FGD4: variants seen among roughly 807,000 people sequenced by gnomAD.
The protein encoded by FGD4 is FYVE, RhoGEF and PH domain-containing protein 4.
A neutral mutation model predicts 102.0 loss-of-function variants in FGD4; 42 were observed. The ratio of observed to expected loss-of-function variants is 0.41; its 90% CI spans 0.32 to 0.53. The LOEUF is 0.53. Ranked by LOEUF, FGD4 falls within the 20% of genes least tolerant of loss-of-function variation. FGD4 has a pLI of 0.21. For synonymous variants in FGD4, 380 were observed against 375.7 expected, an observed-to-expected ratio of 1.01 and a Z score of -0.13; for missense variants, 902 against 1,078.2, an observed-to-expected ratio of 0.84 and a Z score of 2.29.
At chr12:32,443,056 T>C (rs1020309527) in intron 1 of FGD4, among the ~76,000 whole-genome samples, 2 of 152,244 alleles carry the variant, frequency 1.3e-5, no homozygotes, top group Non-Finnish European at 2.9e-5. Flanking sequence ...GAATTCTTTA[T>C]GCATTTTGGA....
At chr12:32,507,491 T>C (rs1938897609) in intron 1 of FGD4, among the ~76,000 whole-genome samples, 1 of 152,228 alleles carries the variant, frequency 6.6e-6, no homozygotes, top group South Asian at 2.1e-4. Flanking sequence ...GAGGTAGAAA[T>C]AGAGGAAAGC....
chr12:32,403,786 G>A (rs540312293), intron 1 of FGD4, among the ~76,000 whole-genome samples: 79 of 151,946 alleles, frequency 5.2e-4, no homozygotes, highest in African/African-American at 1.8e-3. Context: ...TAGTAGAGAC[G>A]GGGTTTCACC....
intron 4 of FGD4, among the ~76,000 whole-genome samples, chr12:32,586,839 T>G (rs1289348420): frequency 6.6e-6 from 1 of 152,142 alleles, no homozygotes; most frequent in African/African-American, 2.4e-5. Context: ...TAAATTACAT[T>G]TTGCAATACT....
rs1340422670 is a variant in FGD4, at chr12:32,645,287, A to G, written c.*4754A>G. 3 of 152,054 alleles carry G rather than the reference A, an allele frequency of 2.0e-5. No individual in the cohort carries two copies. Among genetic ancestry groups the G allele is most frequent in the Non-Finnish European group, 2.9e-5 (2 of 68,012 alleles). 9.4% of individuals were successfully genotyped at this position (152,054 alleles called of 1,614,324 possible). ...GCAAAACAGTCATGTCTGTCTGTAT[A>G]TAAGACTTTTTTTTTTTTAACCAAA... On this transcript the variant is annotated 3_prime_UTR_variant, in exon 17 of 17. Transcript: ENST00000534526.
chr12:32,408,824 T>C (rs1941069907), intron 1 of FGD4, among the ~76,000 whole-genome samples: 1 of 152,186 alleles, frequency 6.6e-6, no homozygotes, highest in African/African-American at 2.4e-5. Context: ...TAAAGCTCTT[T>C]TCTTGGTTCT....
chr12:32,640,155 G>A (rs1234341982), intron 16 of FGD4, 121 bp from the exon 17 acceptor site: 1 of 1,473,260 alleles, frequency 6.8e-7, no homozygotes, highest in Non-Finnish European at 9.4e-7. Context: ...TGTGCCCATG[G>A]AGAACTCACC....
intron 1 of FGD4, among the ~76,000 whole-genome samples, chr12:32,538,713 G>A (rs543783204): frequency 4.6e-5 from 7 of 152,254 alleles, no homozygotes; most frequent in East Asian, 3.9e-4. Flanking sequence ...AATCTGGAGC[G>A]ATACTGTCTG....
intron 1 of FGD4, among the ~76,000 whole-genome samples, chr12:32,562,562 T>C (rs1944705025): frequency 6.6e-6 from 1 of 152,186 alleles, no homozygotes; most frequent in Non-Finnish European, 1.5e-5. Flanking sequence ...CCCTGCGGCC[T>C]TCCGCAGTGT....
At chr12:32,502,225 A>G (rs1938275973) in intron 1 of FGD4, 3 of 985,390 alleles carry the variant, frequency 3.0e-6, no homozygotes, top group Middle Eastern at 5.2e-4. Flanking sequence ...ATTATCTGCA[A>G]TGGACCGGGT....
At chr12:32,587,209 A>T (rs1947119496) in intron 4 of FGD4, among the ~76,000 whole-genome samples, 1 of 149,556 alleles carries the variant, frequency 6.7e-6, no homozygotes, top group Non-Finnish European at 1.5e-5. Context: ...AAAAAAAAAA[A>T]AAATTCTGGA....
At chr12:32,594,160 C>G (rs372275435) in intron 4 of FGD4, among the ~76,000 whole-genome samples, 1 of 152,138 alleles carries the variant, frequency 6.6e-6, no homozygotes, top group Non-Finnish European at 1.5e-5. Context: ...AGGGATGTGG[C>G]CTTTTGAGTG....
At chr12:32,434,949 CT>C (rs5797477) in intron 1 of FGD4, among the ~76,000 whole-genome samples, 59,522 of 149,356 alleles carry the variant, frequency 0.4, 12,389 homozygotes, top group African/African-American at 0.51. Context: ...TCCTTCTTTT[CT>C]TTTTTTTTTC....
In FGD4 at chr12:32,540,962, C is replaced by T. The variant is rs1018061679; in HGVS notation, c.167-23175C>T. Reference sequence around the variant, plus strand: ...TTTTAAGCAAGGGAGTAATAAAATTCGTTATATCATTGAATGAATAAAATA... The same window carrying T: ...TTTTAAGCAAGGGAGTAATAAAATTTGTTATATCATTGAATGAATAAAATA... On this transcript the variant is annotated intron_variant, in intron 1 of 16. Transcript: ENST00000534526. Among the ~76,000 whole-genome samples, 9 of 152,002 alleles carry T rather than the reference C, an allele frequency of 5.9e-5. No individual in the cohort carries two copies. The East Asian group carries it at 9.6e-4, about 16-fold the overall frequency.
chr12:32,437,233 C>T (rs1363256302), intron 1 of FGD4, among the ~76,000 whole-genome samples: 1 of 151,968 alleles, frequency 6.6e-6, no homozygotes, highest in Non-Finnish European at 1.5e-5. Flanking sequence ...CGGCTGATTA[C>T]AAAACATAGG....
intron 1 of FGD4, 71 bp from the exon 2 acceptor site, chr12:32,564,066 A>G: frequency 7.0e-7 from 1 of 1,421,650 alleles, no homozygotes; most frequent in South Asian, 1.4e-5. Context: ...GGAGAGGGGA[A>G]ATTTAACTTA....
At position 32,399,586 on chromosome 12, in the gene FGD4, A is replaced by AGGAGTCGCCGCAGCC. The variant is rs1435573275; in HGVS notation, c.-207_-193dup. 4.0e-6 allele frequency: 5 copies of AGGAGTCGCCGCAGCC among 1,264,490 alleles called. No homozygotes were observed. The highest frequency in any genetic ancestry group is 5.2e-6 in the Non-Finnish European group (5 of 960,344). The allele number at this position is 1,264,490 out of a possible 1,614,324, so 78.3% of individuals were successfully genotyped here. A position where few individuals can be genotyped will look rare whatever the true frequency, so the allele number is the denominator to read the frequency against. On this transcript the variant is annotated 5_prime_UTR_variant, in exon 1 of 17. Coordinates refer to ENST00000534526, the MANE Select transcript of FGD4 (RefSeq NM_001370298.3). ...GATACCGAGACGCTGCGACTGCCGC[A>AGGAGTCGCCGCAGCC]GGAGTCGCCGCAGCCAAACTCGCCG...
chr12:32,422,780 C>T (rs1222300100), intron 1 of FGD4, among the ~76,000 whole-genome samples: 1 of 152,090 alleles, frequency 6.6e-6, no homozygotes, highest in Non-Finnish European at 1.5e-5. Context: ...TTTCATATAT[C>T]TTGCTACTTC....
intron 1 of FGD4, among the ~76,000 whole-genome samples, chr12:32,481,665 A>T (rs544086524): frequency 1.3e-5 from 2 of 152,190 alleles, no homozygotes; most frequent in South Asian, 4.1e-4. Flanking sequence ...TACTAAAAAT[A>T]TGTAAGTTAG....
chr12:32,584,823 C>A (rs1035538459), intron 4 of FGD4, among the ~76,000 whole-genome samples: 18 of 152,088 alleles, frequency 1.2e-4, no homozygotes, highest in Non-Finnish European at 2.6e-4. Context: ...TAGATACTTA[C>A]TTCAGAATAG....
Sources: allele counts gnomAD v4.1 joint callset (sites outside exome capture counted in the v4.1 genomes callset), GRCh38; gene constraint gnomAD v4.1.1; transcripts MANE v1.5; gene names NCBI Gene and HGNC (gene_info 2026-07-23, HGNC 2026-07-21).